The following ZXDB variants were observed in gnomAD, a reference collection of about 807,000 sequenced individuals.
ZXDB encodes the protein zinc finger X-linked protein ZXDB.
For missense variants in ZXDB, 413 were observed against 679.1 expected, an observed-to-expected ratio of 0.61 and a Z score of 4.36; for synonymous variants, 273 against 314.3, an observed-to-expected ratio of 0.87 and a Z score of 1.39.
rs2057907503 is a variant in ZXDB, at chrX:57,595,170, A to G, written c.*710A>G. ...TTGCCTCATAAATGCTACTTGTTTT[A>G]TTATTTTTAATTAGTAGAATCCCGT... On this transcript the variant is annotated 3_prime_UTR_variant, in exon 1 of 1. Transcript: ENST00000374888. 8.1e-6 allele frequency: 1 copy of G among 123,363 alleles called. No individual in the cohort carries two copies. The highest frequency in any genetic ancestry group is 1.9e-5 in the Non-Finnish European group (1 of 53,218). The allele number at this position is 123,363 out of a possible 1,213,427, so 10.2% of individuals were successfully genotyped here.
At position 57,592,350 on chromosome X, in the gene ZXDB, G is replaced by A. The variant is rs1327394088; in HGVS notation, c.302G>A (p.Gly101Asp). The change falls in exon 1 of 1, where the codon GGT (glycine) becomes GAT (aspartate). Residue 101 changes from glycine to aspartate, a missense_variant. Coordinates refer to ENST00000374888, the MANE Select transcript of ZXDB (RefSeq NM_007157.4). ...DFFLVLLDPV[G>D]GDVETAGSGQ... ...TTCCTGGTGCTGCTTGACCCGGTGG[G>A]TGGCGACGTGGAGACCGCGGGCTCC... is the stretch of plus-strand genomic sequence containing the variant. 1 of 1,192,941 alleles carries A rather than the reference G, an allele frequency of 8.4e-7. No individual in the cohort carries two copies. The highest frequency in any genetic ancestry group is 2.2e-5 in the Admixed American group (1 of 45,458).
chrX:57,592,728 T>G lies in ZXDB; in HGVS notation c.680T>G (p.Leu227Arg). ...HAAHPGDCPE[L>R]PPDLLLAEPA... ...GCGCACCCGGGTGACTGCCCAGAGC[T>G]GCCGCCAGACCTCCTGCTAGCTGAG... The change falls in exon 1 of 1, where the codon CTG (leucine) becomes CGG (arginine). Residue 227 changes from leucine to arginine, a missense_variant. Physicochemically the swap from Leu to Arg is moderately radical, Grantham distance 102 (BLOSUM62 -2). Coordinates refer to ENST00000374888, the MANE Select transcript of ZXDB (RefSeq NM_007157.4). 8.5e-7 allele frequency: 1 copy of G among 1,170,786 alleles called. No individual in the cohort carries two copies. The highest frequency in any genetic ancestry group is 1.1e-6 in the Non-Finnish European group (1 of 878,278).
Position 57,595,473 on chromosome X carries a change from G to A in ZXDB, c.*1013G>A, listed in dbSNP as rs1343297011. 2.4e-5 allele frequency: 3 copies of A among 122,817 alleles called. No individual in the cohort carries two copies. Among genetic ancestry groups the A allele is most frequent in the African/African-American group, 9.8e-5 (3 of 30,678 alleles). The allele number at this position is 122,817 out of a possible 1,213,427, so 10.1% of individuals were successfully genotyped here. On this transcript the variant is annotated 3_prime_UTR_variant, in exon 1 of 1. Transcript: ENST00000374888. Reference sequence around the variant, plus strand: ...ATTTAGTAGGTGGCGCATAATCTGTGGTTTTCTCTCTTTTTGTGGTATTAG... The same window carrying A: ...ATTTAGTAGGTGGCGCATAATCTGTAGTTTTCTCTCTTTTTGTGGTATTAG...
Position 57,593,575 on chromosome X carries a change from G to T in ZXDB, c.1527G>T (p.Leu509=). ...TGAAAGGCCACAGCATAACCCACCT[G>T]GGCACAAAGCCTTTCGTGTGTCCTG... ...EHLKGHSITH[L]GTKPFVCPVA... The change falls in exon 1 of 1, where the codon CTG becomes CTT. Residue 509 remains leucine (L), a synonymous_variant. Transcript: ENST00000374888. 1 of 1,211,548 alleles carries T rather than the reference G, an allele frequency of 8.3e-7. No individual in the cohort carries two copies. Among genetic ancestry groups the T allele is most frequent in the Non-Finnish European group, 1.1e-6 (1 of 895,413 alleles).
At position 57,595,562 on chromosome X, in the gene ZXDB, G is replaced by C. The variant is rs1306401467; in HGVS notation, c.*1102G>C. ...TGATATGATGAGTCATCTTTGTAGAGTTACTAAGCATTAGCAAAGGAGGAA... is the reference window on the plus strand; with the variant it reads ...TGATATGATGAGTCATCTTTGTAGACTTACTAAGCATTAGCAAAGGAGGAA... On this transcript the variant is annotated 3_prime_UTR_variant, in exon 1 of 1. Transcript: ENST00000374888. 8.1e-6 allele frequency: 1 copy of C among 123,361 alleles called. No individual in the cohort carries two copies. The highest frequency in any genetic ancestry group is 9.4e-5 in the Admixed American group (1 of 10,594). 10.2% of individuals were successfully genotyped at this position (123,361 alleles called of 1,213,427 possible). A position where few individuals can be genotyped will look rare whatever the true frequency, so the allele number is the denominator to read the frequency against.
In ZXDB at chrX:57,592,221, G is replaced by T. The variant is rs1056643927; in HGVS notation, c.173G>T (p.Arg58Leu). 1.8e-6 allele frequency: 2 copies of T among 1,085,178 alleles called. No individual in the cohort carries two copies. The highest frequency in any genetic ancestry group is 3.9e-5 in the African/African-American group (2 of 51,553). The allele number at this position is 1,085,178 out of a possible 1,213,427, so 89.4% of individuals were successfully genotyped here. ...RGPQDGGPGR[R>L]REEASTASRG... Reference sequence around the variant, plus strand: ...CCCCAAGATGGCGGGCCCGGGCGGCGGCGCGAGGAGGCCAGCACGGCATCA... The same window carrying T: ...CCCCAAGATGGCGGGCCCGGGCGGCTGCGCGAGGAGGCCAGCACGGCATCA... Residue 58 changes from arginine to leucine, a missense_variant, in exon 1 of 1, where the codon CGG (arginine) becomes CTG (leucine). By Grantham distance (102) the Arg-to-Leu change is moderately radical. Coordinates refer to ENST00000374888, the MANE Select transcript of ZXDB (RefSeq NM_007157.4).
chrX:57,597,076 G>T lies in ZXDB; in HGVS notation c.*2616G>T. 2 of 124,810 alleles carry T rather than the reference G, an allele frequency of 1.6e-5. No individual in the cohort carries two copies. 10.3% of individuals were successfully genotyped at this position (124,810 alleles called of 1,213,427 possible). ...ACTAGTCCAGTAGTGTTTGCATGTG[G>T]ATGTCTGTGGATGACAGTTATTGTA... On this transcript the variant is annotated 3_prime_UTR_variant, in exon 1 of 1. Transcript: ENST00000374888.
Position 57,592,822 on chromosome X carries a change from C to G in ZXDB, c.774C>G (p.Pro258=). 8.7e-7 allele frequency: 1 copy of G among 1,151,770 alleles called. No homozygotes were observed. The highest frequency in any genetic ancestry group is 2.0e-5 in the South Asian group (1 of 49,539). 94.9% of individuals were successfully genotyped at this position (1,151,770 alleles called of 1,213,427 possible). ...AGGGCCCGGCCGCCGCCCTGGGCCC[C>G]CGCGGACCGCTGGGCTCCGGCCCAG... ...EAEGPAAALG[P]RGPLGSGPGV... Residue 258 remains proline (P), a synonymous_variant, in exon 1 of 1, where the codon CCC becomes CCG. Transcript: ENST00000374888.
In ZXDB at chrX:57,593,343, G is replaced by A. The variant is rs759864757; in HGVS notation, c.1295G>A (p.Ser432Asn). ...TTTTCCTGCTCTTTTCCTGGCTGCA[G>A]CAAACAATATGACAAGGCTTGTAGG... ...ELFSCSFPGCSKQYDKACRLK... is the reference protein window; with the variant it reads ...ELFSCSFPGCNKQYDKACRLK... The change falls in exon 1 of 1, where the codon AGC (serine) becomes AAC (asparagine). Residue 432 changes from serine to asparagine, a missense_variant. Physicochemically the swap from Ser to Asn is conservative, Grantham distance 46 (BLOSUM62 1). Coordinates refer to ENST00000374888, the MANE Select transcript of ZXDB (RefSeq NM_007157.4). The A allele has an allele frequency of 1.1e-5, 13 of 1,210,250 alleles. No individual in the cohort carries two copies. In the African/African-American group the frequency reaches 2.3e-4, roughly 21 times the overall value.
Position 57,592,209 on chromosome X carries a change from G to A in ZXDB, c.161G>A (p.Gly54Glu), listed in dbSNP as rs1431485430. The part of the protein sequence containing the change: ...LLLLRGPQDG[G>E]PGRRREEAST... Reference sequence around the variant, plus strand: ...CTGCTCCGGGGCCCCCAAGATGGCGGGCCCGGGCGGCGGCGCGAGGAGGCC... The same window carrying A: ...CTGCTCCGGGGCCCCCAAGATGGCGAGCCCGGGCGGCGGCGCGAGGAGGCC... The change falls in exon 1 of 1, where the codon GGG becomes GAG. Residue 54 changes from glycine to glutamate, a missense_variant. Physicochemically the swap from Gly to Glu is moderately conservative, Grantham distance 98. Transcript: ENST00000374888. The A allele has an allele frequency of 6.5e-6, 7 of 1,069,522 alleles. No individual in the cohort carries two copies. The highest frequency in any genetic ancestry group is 6.0e-6 in the Non-Finnish European group (5 of 833,777). 88.1% of individuals were successfully genotyped at this position (1,069,522 alleles called of 1,213,427 possible).
At position 57,594,149 on chromosome X, in the gene ZXDB, G is replaced by T. The variant is rs374485530; in HGVS notation, c.2101G>T (p.Val701Leu). The change falls in exon 1 of 1, where the codon GTA (valine) becomes TTA (leucine). Residue 701 changes from valine (V) to leucine (L), a missense_variant. Transcript: ENST00000374888. ...CTTAAATATGGATGAGGTCTCAAGT[G>T]TAAGTGTGGGGCCATTGGGATCTCT... The part of the protein sequence containing the change: ...SSLNMDEVSS[V>L]SVGPLGSLDS... The T allele has an allele frequency of 1.8e-4, 216 of 1,191,737 alleles. No individual in the cohort carries two copies. Among genetic ancestry groups the T allele is most frequent in the Non-Finnish European group, 2.3e-4 (206 of 885,513 alleles).
In ZXDB at chrX:57,592,263, G is replaced by C. The variant is rs1396892830; in HGVS notation, c.215G>C (p.Ser72Thr). Residue 72 changes from serine (S) to threonine (T), a missense_variant, in exon 1 of 1, where the codon AGC becomes ACC. Coordinates refer to ENST00000374888, the MANE Select transcript of ZXDB (RefSeq NM_007157.4). ...ACGGCATCACGGGGCCCTGGCCCAA[G>C]CCTGTTGGCGCCGAGGACCGATCAA... ...ASTASRGPGPSLLAPRTDQPS... is the reference protein window; with the variant it reads ...ASTASRGPGPTLLAPRTDQPS... The C allele has an allele frequency of 8.5e-7, 1 of 1,174,311 alleles. No individual in the cohort carries two copies. The highest frequency in any genetic ancestry group is 3.3e-5 in the East Asian group (1 of 30,393).
rs761778309 is a variant in ZXDB at position 57,592,314 on chromosome X, G to A, written c.266G>A (p.Gly89Asp). The A allele has an allele frequency of 1.7e-4, 201 of 1,188,736 alleles. No homozygotes were observed. The African/African-American group carries it at 2.7e-3, about 16-fold the overall frequency. Residue 89 changes from glycine to aspartate, a missense_variant, in exon 1 of 1, where the codon GGC becomes GAC. By Grantham distance (94) the Gly-to-Asp change is moderately conservative. Coordinates refer to ENST00000374888, the MANE Select transcript of ZXDB (RefSeq NM_007157.4). ...DQPSGGGGGG[G>D]DDFFLVLLDP... Reference sequence around the variant, plus strand: ...CCTAGCGGCGGCGGCGGCGGCGGCGGCGACGACTTCTTCCTGGTGCTGCTT... The same window carrying A: ...CCTAGCGGCGGCGGCGGCGGCGGCGACGACGACTTCTTCCTGGTGCTGCTT...
chrX:57,592,849 C>T lies in ZXDB; in HGVS notation c.801C>T (p.Gly267=), dbSNP rs1259405548. Residue 267 remains glycine (G), a synonymous_variant, in exon 1 of 1, where the codon GGC becomes GGT. Transcript: ENST00000374888. ...GPRGPLGSGP[G]VVLYLCPEAQ... is the part of the protein sequence containing the mutation. ...GCGGACCGCTGGGCTCCGGCCCAGG[C>T]GTGGTGCTGTACTTGTGCCCCGAGG... 1.1e-5 allele frequency: 13 copies of T among 1,171,498 alleles called. No homozygotes were observed. Among genetic ancestry groups the T allele is most frequent in the Non-Finnish European group, 1.5e-5 (13 of 876,608 alleles).
chrX:57,593,482 C>T lies in ZXDB; in HGVS notation c.1434C>T (p.His478=), dbSNP rs1159139168. 6 of 1,209,643 alleles carry T rather than the reference C, an allele frequency of 5.0e-6. No individual in the cohort carries two copies. The highest frequency in any genetic ancestry group is 6.7e-6 in the Non-Finnish European group (6 of 895,199). ...AACTCTTAAGGCACAAAAGAAAGCA[C>T]GACGATGACCGGAGGTTCATGTGCC... ...MSKLLRHKRK[H]DDDRRFMCPV... Residue 478 remains histidine, a synonymous_variant, in exon 1 of 1, where the codon CAC becomes CAT. Transcript: ENST00000374888.
rs1399290814 is a variant in ZXDB at position 57,592,182 on chromosome X, T to C, written c.134T>C (p.Leu45Pro). ...GGCCAGGTCCCCACGCGCCGCCTCC[T>C]GCTGCTCCGGGGCCCCCAAGATGGC... ...PAGQVPTRRLLLLRGPQDGGP... is the reference protein window; with the variant it reads ...PAGQVPTRRLPLLRGPQDGGP... The change falls in exon 1 of 1, where the codon CTG (leucine) becomes CCG (proline). Residue 45 changes from leucine (L) to proline (P), a missense_variant. Coordinates refer to ENST00000374888, the MANE Select transcript of ZXDB (RefSeq NM_007157.4). 1.1e-5 allele frequency: 12 copies of C among 1,057,895 alleles called. 1 individual carries two copies. The highest frequency in any genetic ancestry group is 3.6e-6 in the Non-Finnish European group (3 of 827,132). The allele number at this position is 1,057,895 out of a possible 1,213,427, so 87.2% of individuals were successfully genotyped here.
rs2057911874 is a variant in ZXDB, at chrX:57,596,763, C to T, written c.*2303C>T. The stretch of plus-strand genomic sequence containing the variant: ...ACATCCCCATCCTTGCTATGCCTTT[C>T]TGTCCTCTTTTATAATGGATATATC... On this transcript the variant is annotated 3_prime_UTR_variant, in exon 1 of 1. Transcript: ENST00000374888. The T allele has an allele frequency of 8.2e-6, 1 of 122,391 alleles. No individual in the cohort carries two copies. The highest frequency in any genetic ancestry group is 9.6e-5 in the Admixed American group (1 of 10,440). The allele number at this position is 122,391 out of a possible 1,213,427, so 10.1% of individuals were successfully genotyped here. A position where few individuals can be genotyped will look rare whatever the true frequency, so the allele number is the denominator to read the frequency against.
At position 57,594,422 on chromosome X, in the gene ZXDB, G is replaced by A. The variant is rs12845530; in HGVS notation, c.2374G>A (p.Asp792Asn). 5.7e-5 allele frequency: 69 copies of A among 1,208,609 alleles called. No individual in the cohort carries two copies. The Middle Eastern group carries it at 6.9e-4, about 12-fold the overall frequency. ...AGNHGSQKET[D>N]LITVTGSSFL... ...AAACCATGGTTCTCAGAAAGAAACA[G>A]ATCTTATCACTGTGACTGGCAGCTC... The change falls in exon 1 of 1, where the codon GAT becomes AAT. Residue 792 changes from aspartate (D) to asparagine (N), a missense_variant. Coordinates refer to ENST00000374888, the MANE Select transcript of ZXDB (RefSeq NM_007157.4).
In ZXDB at chrX:57,592,488, T is replaced by G. The variant is rs946363944; in HGVS notation, c.440T>G (p.Leu147Arg). ...AGPTALGPRC[L>R]SAVPTPAPIS... ...CCCACTGCGCTAGGCCCCCGCTGCCTGTCCGCGGTTCCCACTCCGGCCCCG... is the reference window on the plus strand; with the variant it reads ...CCCACTGCGCTAGGCCCCCGCTGCCGGTCCGCGGTTCCCACTCCGGCCCCG... Residue 147 changes from leucine to arginine, a missense_variant, in exon 1 of 1, where the codon CTG (leucine) becomes CGG (arginine). Leu to Arg is a moderately radical substitution (Grantham distance 102). Transcript: ENST00000374888. 5.7e-5 allele frequency: 67 copies of G among 1,183,201 alleles called. No individual in the cohort carries two copies. Among genetic ancestry groups the G allele is most frequent in the Non-Finnish European group, 7.4e-5 (65 of 883,043 alleles).
Sources: gnomAD v4.1 joint callset for allele counts on GRCh38, gnomAD v4.1.1 for gene constraint, MANE v1.5 for transcripts, NCBI Gene and HGNC (gene_info 2026-07-23, HGNC 2026-07-21) for gene names.